The following CDH5 variants were observed in gnomAD, a reference collection of about 807,000 sequenced individuals.
CDH5 encodes cadherin 5.
CDH5 carries 28 observed loss-of-function variants against 62.0 expected under a neutral mutation model. The ratio of observed to expected loss-of-function variants is 0.45; its 90% CI spans 0.33 to 0.62. The LOEUF (loss-of-function observed/expected upper bound fraction) is 0.62, where lower values mean the gene tolerates loss of function less well. Ranked by LOEUF, CDH5 falls within the 20% of genes least tolerant of loss-of-function variation. The pLI is 0.02. For synonymous variants in CDH5, 464 were observed against 445.8 expected (o/e 1.04, Z -0.52); for missense variants, 940 against 1,065.1 (o/e 0.88, Z 1.63).
At chr16:66,390,153 A>G (rs539323642) in intron 5 of CDH5, among the ~76,000 whole-genome samples, 26 of 152,168 alleles carry the variant, frequency 1.7e-4, no homozygotes, top group Non-Finnish European at 2.8e-4. Flanking sequence ...TTGTCCATTG[A>G]TAGGTCCCCT....
rs183738484 is a variant in CDH5 at position 66,390,278 on chromosome 16, T to C, written c.782-125T>C. ...TTTACCTTGAGAATCCCAGGGGTATTATTATTTATGATTATTTTATTATGC... is the reference window on the plus strand; with the variant it reads ...TTTACCTTGAGAATCCCAGGGGTATCATTATTTATGATTATTTTATTATGC... On this transcript the variant is annotated intron_variant, in intron 5 of 11. Coordinates refer to ENST00000341529, the MANE Select transcript of CDH5 (RefSeq NM_001795.5). The C allele has an allele frequency of 1.1e-4, 76 of 701,788 alleles. No homozygotes were observed. In the Admixed American group the frequency reaches 1.1e-3, roughly 10 times the overall value. 43.5% of individuals were successfully genotyped at this position (701,788 alleles called of 1,614,324 possible). A position where few individuals can be genotyped will look rare whatever the true frequency, so the allele number is the denominator to read the frequency against.
rs528269801 is a variant in CDH5 at position 66,371,763 on chromosome 16, C to T, written c.-20+5005C>T. On this transcript the variant is annotated intron_variant, in intron 1 of 11. Transcript: ENST00000341529. Reference sequence around the variant, plus strand: ...TGGTCAGGTCGAGGGGCAGGGGGTCCTCCTGGTGCTCAGGGGCAGGACCAG... The same window carrying T: ...TGGTCAGGTCGAGGGGCAGGGGGTCTTCCTGGTGCTCAGGGGCAGGACCAG... Among the ~76,000 whole-genome samples the T allele has an allele frequency of 1.8e-3, 272 of 152,258 alleles. 2 individuals are homozygous for T. The highest frequency in any genetic ancestry group is 6.3e-3 in the African/African-American group (262 of 41,568).
intron 2 of CDH5, among the ~76,000 whole-genome samples, chr16:66,382,355 G>A (rs1045748677): frequency 1.3e-5 from 2 of 152,178 alleles, no homozygotes; most frequent in African/African-American, 4.8e-5. Context: ...CCACTCATAG[G>A]GGAAGACACT....
intron 1 of CDH5, among the ~76,000 whole-genome samples, chr16:66,373,775 T>C (rs76273772): frequency 0.017 from 2,656 of 152,208 alleles, 80 homozygotes; most frequent in African/African-American, 0.06. Flanking sequence ...AGATTGAGTA[T>C]AGAAGGAGCC....
Position 66,386,912 on chromosome 16 carries a change from T to A in CDH5, c.314T>A (p.Ile105Asn), listed in dbSNP as rs779100926. Residue 105 changes from isoleucine to asparagine, a missense_variant, in exon 3 of 12, where the codon ATT becomes AAT. Coordinates refer to ENST00000341529, the MANE Select transcript of CDH5 (RefSeq NM_001795.5). ...VDAETGDVFAIERLDRENISE... is the reference protein window; with the variant it reads ...VDAETGDVFANERLDRENISE... ...GCAGAGACAGGAGACGTGTTCGCCA[T>A]TGAGAGGCTGGACCGGGAGAATATC... The A allele has an allele frequency of 1.9e-6, 3 of 1,614,098 alleles. No individual in the cohort carries two copies. The African/African-American group carries it at 4.0e-5, about 22-fold the overall frequency.
At chr16:66,384,694 G>T (rs1453705730) in intron 2 of CDH5, among the ~76,000 whole-genome samples, 1 of 149,380 alleles carries the variant, frequency 6.7e-6, no homozygotes, top group Non-Finnish European at 1.5e-5. Flanking sequence ...GGCTGGGCGT[G>T]GTGGCTCACA....
intron 1 of CDH5, among the ~76,000 whole-genome samples, chr16:66,375,587 T>C (rs554504109): frequency 6.6e-6 from 1 of 152,062 alleles, no homozygotes; most frequent in Admixed American, 6.6e-5. Context: ...GGTACACCTC[T>C]CTATGGTACA....
At chr16:66,402,265 C>T (rs1011386001) in intron 11 of CDH5, among the ~76,000 whole-genome samples, 1 of 151,258 alleles carries the variant, frequency 6.6e-6, no homozygotes, top group Admixed American at 6.6e-5. Flanking sequence ...TCAAGGTCTA[C>T]CCCTCCTTAG....
intron 2 of CDH5, among the ~76,000 whole-genome samples, chr16:66,380,427 C>G (rs1369917076): frequency 1.6e-5 from 2 of 128,200 alleles, no homozygotes; most frequent in Admixed American, 7.9e-5. Flanking sequence ...GGTAGGTGGT[C>G]GTTGTGATGA....
chr16:66,393,579 A>G (rs1420959171), intron 7 of CDH5, among the ~76,000 whole-genome samples: 5 of 152,158 alleles, frequency 3.3e-5, no homozygotes, highest in South Asian at 2.1e-4. Context: ...ACTCTGTCCC[A>G]TGGTCTATCC....
intron 8 of CDH5, among the ~76,000 whole-genome samples, chr16:66,396,965 T>C (rs1481027275): frequency 6.6e-6 from 1 of 152,310 alleles, no homozygotes; most frequent in African/African-American, 2.4e-5. Flanking sequence ...TTCTTTCTCC[T>C]CCACATAATC....
chr16:66,402,588 G>A, intron 11 of CDH5, 64 bp from the exon 12 acceptor site: 1 of 1,407,572 alleles, frequency 7.1e-7, no homozygotes, highest in Non-Finnish European at 9.4e-7. Flanking sequence ...TGGGGATGGG[G>A]GCATGGGGGG....
In CDH5 at chr16:66,372,712, C is replaced by T. The variant is rs573044375; in HGVS notation, c.-20+5954C>T. Reference sequence around the variant, plus strand: ...CAGACCTGGACCCCAGAGGCCTCTGCGGTCCCAACCTCCCATGGGAGCATG... The same window carrying T: ...CAGACCTGGACCCCAGAGGCCTCTGTGGTCCCAACCTCCCATGGGAGCATG... On this transcript the variant is annotated intron_variant, in intron 1 of 11. Transcript: ENST00000341529. Among the ~76,000 whole-genome samples the T allele has an allele frequency of 3.5e-3, 535 of 152,244 alleles. 2 individuals carry two copies. Among genetic ancestry groups the T allele is most frequent in the African/African-American group, 0.012 (512 of 41,552 alleles).
At chr16:66,388,501 C>G in intron 4 of CDH5, 61 bp downstream of exon 4, 2 of 1,110,220 alleles carry the variant, frequency 1.8e-6, no homozygotes, top group Non-Finnish European at 2.8e-6. Flanking sequence ...GAGGTGGATA[C>G]TCCAGGTGCA....
In CDH5 at chr16:66,396,155, C is replaced by T; in HGVS notation, c.1314C>T (p.Tyr438=). 1.2e-6 allele frequency: 2 copies of T among 1,614,218 alleles called. No individual in the cohort carries two copies. The highest frequency in any genetic ancestry group is 1.7e-6 in the Non-Finnish European group (2 of 1,180,028). ...AGAAAGAACTGGACAGAGAAGTCTA[C>T]CCCTGGTATAACCTGACTGTGGAGG... ...YNEKELDREV[Y]PWYNLTVEAK... The change falls in exon 8 of 12, where the codon TAC becomes TAT. Residue 438 remains tyrosine (Y), a synonymous_variant. Coordinates refer to ENST00000341529, the MANE Select transcript of CDH5 (RefSeq NM_001795.5).
chr16:66,367,315 G>A (rs1207566352), intron 1 of CDH5, among the ~76,000 whole-genome samples: 1 of 152,240 alleles, frequency 6.6e-6, no homozygotes, highest in Non-Finnish European at 1.5e-5. Context: ...TAGGCAAGCT[G>A]AGGCTTGGCT....
At chr16:66,400,735 T>G (rs973814071) in intron 10 of CDH5, 36 bp from the exon 11 acceptor site, 2 of 1,613,730 alleles carry the variant, frequency 1.2e-6, no homozygotes. Flanking sequence ...TCTGTGCAGA[T>G]GGCAAAGCCT....
Position 66,392,189 on chromosome 16 carries a change from C to G in CDH5, c.1023C>G (p.Asp341Glu), listed in dbSNP as rs777440132. 6.2e-7 allele frequency: 1 copy of G among 1,614,054 alleles called. No individual in the cohort carries two copies. The highest frequency in any genetic ancestry group is 8.5e-7 in the Non-Finnish European group (1 of 1,180,026). The change falls in exon 7 of 12, where the codon GAC (aspartate) becomes GAG (glutamate). Residue 341 changes from aspartate to glutamate, a missense_variant. Coordinates refer to ENST00000341529, the MANE Select transcript of CDH5 (RefSeq NM_001795.5). ...ACAGCTTCATCGTCGAGGCCACAGA[C>G]CCCACCATCGACCTCCGATACATGA... ...QQYSFIVEAT[D>E]PTIDLRYMSP...
intron 8 of CDH5, among the ~76,000 whole-genome samples, chr16:66,397,095 T>C (rs1270805628): frequency 6.6e-6 from 1 of 152,256 alleles, no homozygotes; most frequent in Admixed American, 6.5e-5. Context: ...CACATTCATG[T>C]ATTTTTATTT....
Sources: allele counts gnomAD v4.1 joint callset (sites outside exome capture counted in the v4.1 genomes callset), GRCh38; gene constraint gnomAD v4.1.1; transcripts MANE v1.5; gene names NCBI Gene and HGNC (gene_info 2026-07-23, HGNC 2026-07-21).